The following XPO6 variants were observed in gnomAD, a reference collection of about 807,000 sequenced individuals.
XPO6 encodes exportin 6, also known as exportin-6.
Under a neutral mutation model 130.0 loss-of-function variants are expected in XPO6, and 3 were observed. That is an observed-to-expected ratio of 0.02 (90% CI 0.01 to 0.06). The LOEUF is 0.06. Ranked by LOEUF, XPO6 falls within the 10% of genes least tolerant of loss-of-function variation. The pLI, the probability that XPO6 is intolerant of heterozygous loss-of-function variation, is 1.00. For synonymous variants in XPO6, 524 were observed against 548.9 expected, an observed-to-expected ratio of 0.95 and a Z score of 0.63; for missense variants, 970 against 1,393.0, an observed-to-expected ratio of 0.70 and a Z score of 4.83.
chr16:28,184,169 G>A (rs536171768), intron 1 of XPO6, among the ~76,000 whole-genome samples: 1 of 152,320 alleles, frequency 6.6e-6, no homozygotes, highest in Admixed American at 6.5e-5. Context: ...AAGTGCCATC[G>A]TGTGGTAGGG....
intron 9 of XPO6, among the ~76,000 whole-genome samples, chr16:28,144,660 GTC>G (rs2042952186): frequency 6.6e-6 from 1 of 152,204 alleles, no homozygotes; most frequent in African/African-American, 2.4e-5. Context: ...CTGCAGTGGA[GTC>G]TCTCCTCTCC....
intron 1 of XPO6, among the ~76,000 whole-genome samples, chr16:28,203,231 G>C (rs904101549): frequency 3.3e-5 from 5 of 150,518 alleles, no homozygotes; most frequent in African/African-American, 9.8e-5. Flanking sequence ...AGACATGATT[G>C]CTCCACTGCA....
intron 4 of XPO6, among the ~76,000 whole-genome samples, chr16:28,171,913 T>G (rs1031343858): frequency 2.0e-5 from 3 of 152,106 alleles, no homozygotes. Flanking sequence ...TTTCCTTTCT[T>G]TCTCCTCTAC....
At chr16:28,185,792 C>T (rs372526936) in intron 1 of XPO6, among the ~76,000 whole-genome samples, 2 of 152,196 alleles carry the variant, frequency 1.3e-5, no homozygotes, top group African/African-American at 2.4e-5. Context: ...AGTTACTTGG[C>T]TCACCTCAAT....
intron 12 of XPO6, among the ~76,000 whole-genome samples, chr16:28,129,857 A>G (rs192669941): frequency 2.3e-4 from 35 of 152,378 alleles, no homozygotes; most frequent in Admixed American, 1.5e-3. Flanking sequence ...TACTGTCTCA[A>G]TGAAGGAAGA....
intron 1 of XPO6, among the ~76,000 whole-genome samples, chr16:28,191,935 T>C (rs1368897209): frequency 6.6e-6 from 1 of 152,210 alleles, no homozygotes; most frequent in Non-Finnish European, 1.5e-5. Context: ...TCATCCTGAA[T>C]TATTCCCAGG....
chr16:28,190,612 G>A (rs2043770805), intron 1 of XPO6, among the ~76,000 whole-genome samples: 1 of 152,132 alleles, frequency 6.6e-6, no homozygotes, highest in Admixed American at 6.5e-5. Context: ...TCCTGGACTG[G>A]AGGGAAAAAA....
At chr16:28,189,734 G>A (rs1429595895) in intron 1 of XPO6, among the ~76,000 whole-genome samples, 1 of 152,022 alleles carries the variant, frequency 6.6e-6, no homozygotes, top group African/African-American at 2.4e-5. Context: ...TTGTTTTCTT[G>A]TCTGCAGCTT....
intron 1 of XPO6, among the ~76,000 whole-genome samples, chr16:28,203,146 A>G (rs902113445): frequency 3.3e-5 from 5 of 152,090 alleles, no homozygotes; most frequent in African/African-American, 1.2e-4. Context: ...ATGGTGATGC[A>G]TACGTATAGT....
intron 15 of XPO6, among the ~76,000 whole-genome samples, chr16:28,114,332 A>G (rs1015729621): frequency 1.3e-5 from 2 of 152,204 alleles, no homozygotes; most frequent in Non-Finnish European, 2.9e-5. Flanking sequence ...GTTATTACTT[A>G]TTACATAAAA....
chr16:28,181,129 C>T, intron 1 of XPO6, 98 bp from the exon 2 acceptor site: 1 of 882,326 alleles, frequency 1.1e-6, no homozygotes, highest in Non-Finnish European at 1.7e-6. Context: ...GAGCAATTTA[C>T]TTCCTCAAAA....
chr16:28,174,478 G>C (rs187715911), intron 4 of XPO6, among the ~76,000 whole-genome samples: 27 of 152,248 alleles, frequency 1.8e-4, no homozygotes, highest in Non-Finnish European at 3.5e-4. Context: ...TTCCAGGAAG[G>C]CAGGGACTTG....
intron 6 of XPO6, among the ~76,000 whole-genome samples, chr16:28,165,059 A>C (rs1471965565): frequency 1.3e-5 from 2 of 152,138 alleles, no homozygotes; most frequent in Non-Finnish European, 1.5e-5. Flanking sequence ...TCTACAAAAA[A>C]TACAAAAATT....
At chr16:28,112,272 G>C (rs1055347553) in intron 16 of XPO6, among the ~76,000 whole-genome samples, 4 of 152,174 alleles carry the variant, frequency 2.6e-5, no homozygotes, top group African/African-American at 7.2e-5. Flanking sequence ...TGAAGTATTA[G>C]AGAGGGAAAA....
At chr16:28,124,479 C>T (rs1032073762) in intron 13 of XPO6, among the ~76,000 whole-genome samples, 3 of 152,114 alleles carry the variant, frequency 2.0e-5, no homozygotes, top group Non-Finnish European at 4.4e-5. Flanking sequence ...CAAATGGGCC[C>T]AGTACAAGAA....
intron 14 of XPO6, among the ~76,000 whole-genome samples, chr16:28,119,509 A>G (rs981480951): frequency 1.3e-5 from 2 of 152,230 alleles, no homozygotes; most frequent in Non-Finnish European, 2.9e-5. Context: ...GCTTTTAAAA[A>G]AATTAAGATC....
intron 21 of XPO6, among the ~76,000 whole-genome samples, chr16:28,104,020 C>T (rs1453046976): frequency 2.0e-5 from 3 of 152,202 alleles, no homozygotes; most frequent in Non-Finnish European, 2.9e-5. Flanking sequence ...GAGGTGATGC[C>T]GTCCCAGTCT....
intron 2 of XPO6, among the ~76,000 whole-genome samples, chr16:28,179,490 G>A (rs2043583198): frequency 6.6e-6 from 1 of 152,242 alleles, no homozygotes; most frequent in Admixed American, 6.5e-5. Context: ...GACTGGAACT[G>A]AGGAACTCTG....
intron 20 of XPO6, chr16:28,105,659 A>C (rs2086759277): frequency 5.8e-6 from 1 of 171,888 alleles, no homozygotes; most frequent in South Asian, 1.7e-4. Context: ...TGTAACACTG[A>C]AAGGTTTGTT....
Sources: gnomAD v4.1 joint callset for allele counts (sites outside exome capture counted in the v4.1 genomes callset) on GRCh38, gnomAD v4.1.1 for gene constraint, MANE v1.5 for transcripts, NCBI Gene and HGNC (gene_info 2026-07-23, HGNC 2026-07-21) for gene names.